Variants in ABCC1 observed in about 807,000 individuals in gnomAD.
ABCC1 encodes the protein multidrug resistance-associated protein 1.
In ABCC1, 83 loss-of-function variants were observed where a neutral mutation model predicts 172.9. The observed-to-expected ratio is 0.48, with a 90% confidence interval of 0.40 to 0.58. The LOEUF (loss-of-function observed/expected upper bound fraction) is 0.58, where lower values mean the gene tolerates loss of function less well. ABCC1 is among the 20% of genes least tolerant of loss of function. The pLI, the probability that ABCC1 is intolerant of heterozygous loss-of-function variation, is 0.00. For missense variants in ABCC1, 1,817 were observed against 2,002.7 expected (o/e 0.91, Z 1.77); for synonymous variants, 937 against 825.2 (o/e 1.14, Z -2.32).
intron 1 of ABCC1, among the ~76,000 whole-genome samples, chr16:15,975,585 T>G (rs2046471054): frequency 6.6e-6 from 1 of 151,866 alleles, no homozygotes; most frequent in Non-Finnish European, 1.5e-5. Context: ...AGACTGAGTT[T>G]TGGTCTTGTT....
chr16:15,967,884 C>T (rs902207372), intron 1 of ABCC1, among the ~76,000 whole-genome samples: 1 of 152,010 alleles, frequency 6.6e-6, no homozygotes, highest in African/African-American at 2.4e-5. Flanking sequence ...TCCAGGTTTT[C>T]TGTTACTATA....
chr16:16,032,180 A>G (rs1295654374), intron 5 of ABCC1, among the ~76,000 whole-genome samples: 2 of 152,008 alleles, frequency 1.3e-5, no homozygotes, highest in East Asian at 3.9e-4. Flanking sequence ...TAGGAGAGAC[A>G]GGGTTTCACC....
At chr16:15,960,221 C>T (rs1250973595) in intron 1 of ABCC1, among the ~76,000 whole-genome samples, 4 of 152,096 alleles carry the variant, frequency 2.6e-5, no homozygotes, top group African/African-American at 4.8e-5. Flanking sequence ...GCTGGGACTA[C>T]AGGCATGCAC....
intron 5 of ABCC1, among the ~76,000 whole-genome samples, chr16:16,018,130 C>G (rs1170977236): frequency 2.0e-5 from 3 of 152,164 alleles, no homozygotes; most frequent in Non-Finnish European, 4.4e-5. Flanking sequence ...CTTTTCACCT[C>G]TGTGGTTCTG....
At chr16:16,047,010 A>G (rs2049239276) in intron 9 of ABCC1, among the ~76,000 whole-genome samples, 1 of 152,074 alleles carries the variant, frequency 6.6e-6, no homozygotes, top group South Asian at 2.1e-4. Flanking sequence ...AGCCTGGTCA[A>G]TATAGCAAGA....
At chr16:16,016,883 A>G (rs2048019757) in intron 5 of ABCC1, among the ~76,000 whole-genome samples, 1 of 152,200 alleles carries the variant, frequency 6.6e-6, no homozygotes, top group Non-Finnish European at 1.5e-5. Context: ...TGGCATGGTG[A>G]TTTTGGAAAA....
At chr16:16,102,560 T>C in intron 19 of ABCC1, 67 bp from the exon 20 acceptor site, 7 of 1,478,812 alleles carry the variant, frequency 4.7e-6, no homozygotes, top group Non-Finnish European at 6.5e-6. Flanking sequence ...GGCCGGTTTT[T>C]GTTGCCCTTG....
Position 16,048,310 on chromosome 16 carries a change from GT to G in ABCC1, c.1380+10del. ...TCTCTACCTCCTGTGGCTGGTGTGT[GT>G]TTAACGCCGTTTCCCTTTGCATGCA... On this transcript the variant is annotated splice_region_variant and intron_variant, in intron 10 of 30. Transcript: ENST00000399410. The G allele has an allele frequency of 6.2e-7, 1 of 1,613,756 alleles. No homozygotes were observed. The highest frequency in any genetic ancestry group is 1.3e-5 in the African/African-American group (1 of 75,050).
intron 1 of ABCC1, among the ~76,000 whole-genome samples, chr16:15,982,190 G>T (rs1361769168): frequency 6.6e-6 from 1 of 152,130 alleles, no homozygotes; most frequent in African/African-American, 2.4e-5. Context: ...CTGATACTCA[G>T]TTCCAAAGTT....
At position 15,985,401 on chromosome 16, in the gene ABCC1, C is replaced by T. The variant is rs73511902; in HGVS notation, c.49-22415C>T. 1.9e-3 allele frequency among the ~76,000 whole-genome samples: 289 copies of T among 152,268 alleles called. 2 individuals are homozygous for T. Among genetic ancestry groups the T allele is most frequent in the African/African-American group, 6.5e-3 (270 of 41,562 alleles). ...TGTTCATGCCTTGATACACTTGTTT[C>T]CCCACCAGCTCTATTTTTGTTGCCT... On this transcript the variant is annotated intron_variant, in intron 1 of 30. Transcript: ENST00000399410.
At position 16,000,116 on chromosome 16, in the gene ABCC1, G is replaced by T. The variant is rs1451607543; in HGVS notation, c.49-7700G>T. ...GATCTGCCCGCCTCGGTCTCCCAAAGTGTTGGGATTACAGGCGTGAGCCAC... is the reference window on the plus strand; with the variant it reads ...GATCTGCCCGCCTCGGTCTCCCAAATTGTTGGGATTACAGGCGTGAGCCAC... On this transcript the variant is annotated intron_variant, in intron 1 of 30. Coordinates refer to ENST00000399410, the MANE Select transcript of ABCC1 (RefSeq NM_004996.4). Among the ~76,000 whole-genome samples, 3 of 151,792 alleles carry T rather than the reference G, an allele frequency of 2.0e-5. No homozygotes were observed. In the East Asian group the frequency reaches 5.8e-4, roughly 30 times the overall value.
intron 23 of ABCC1, among the ~76,000 whole-genome samples, chr16:16,121,381 T>A (rs940115965): frequency 6.6e-6 from 1 of 152,202 alleles, no homozygotes; most frequent in African/African-American, 2.4e-5. Context: ...ATAAGGAAAC[T>A]GAGGCTTAGA....
upstream of ABCC1, among the ~76,000 whole-genome samples, chr16:15,949,419 G>C (rs2045796868): frequency 6.6e-6 from 1 of 151,474 alleles, no homozygotes; most frequent in Non-Finnish European, 1.5e-5. Context: ...GTGGGCCTAA[G>C]CCTTGGAGGA....
At chr16:15,992,944 A>G (rs1261097160) in intron 1 of ABCC1, among the ~76,000 whole-genome samples, 1 of 151,180 alleles carries the variant, frequency 6.6e-6, no homozygotes, top group East Asian at 2.0e-4. Flanking sequence ...TCTGCCTGGT[A>G]TGTGCTTCCC....
Position 16,056,448 on chromosome 16 carries a change from C to T in ABCC1, c.1677+153C>T, listed in dbSNP as rs543580754. The T allele has an allele frequency of 8.1e-4, 656 of 813,744 alleles. 3 individuals carry two copies. The highest frequency in any genetic ancestry group is 1.7e-3 in the Middle Eastern group (5 of 2,866). The allele number at this position is 813,744 out of a possible 1,614,324, so 50.4% of individuals were successfully genotyped here. A position where few individuals can be genotyped will look rare whatever the true frequency, so the allele number is the denominator to read the frequency against. On this transcript the variant is annotated intron_variant, in intron 12 of 30. Transcript: ENST00000399410. ...CTGGGAGGCCAAAGCAGGTGGATCA[C>T]CTGAGGTCAGGAGTTCAAGACCAGC... is the stretch of plus-strand genomic sequence containing the variant.
chr16:16,073,752 G>A (rs2050444416), intron 14 of ABCC1, among the ~76,000 whole-genome samples: 1 of 152,116 alleles, frequency 6.6e-6, no homozygotes, highest in Admixed American at 6.5e-5. Context: ...GTGAGACCCT[G>A]TCTCAAAAAA....
chr16:16,062,075 G>C (rs2049940219), intron 12 of ABCC1, among the ~76,000 whole-genome samples: 1 of 152,162 alleles, frequency 6.6e-6, no homozygotes, highest in South Asian at 2.1e-4. Context: ...ACCTGGCCTT[G>C]ATGGCATTTT....
chr16:16,019,313 C>T (rs994812302), intron 5 of ABCC1, among the ~76,000 whole-genome samples: 18 of 151,948 alleles, frequency 1.2e-4, no homozygotes, highest in Non-Finnish European at 1.6e-4. Flanking sequence ...CATCTTGGCC[C>T]GGCTGGTCTC....
At chr16:16,074,375 C>A (rs1267404856) in intron 14 of ABCC1, among the ~76,000 whole-genome samples, 1 of 152,158 alleles carries the variant, frequency 6.6e-6, no homozygotes, top group African/African-American at 2.4e-5. Context: ...TGTCCCACAT[C>A]CCCTCACATC....
Sources: allele counts gnomAD v4.1 joint callset (sites outside exome capture counted in the v4.1 genomes callset), GRCh38; gene constraint gnomAD v4.1.1; transcripts MANE v1.5; gene names NCBI Gene and HGNC (gene_info 2026-07-23, HGNC 2026-07-21).